LYPLAL1: variants seen among roughly 807,000 people sequenced by gnomAD.
The protein encoded by LYPLAL1 is lysophospholipase-like protein 1.
LYPLAL1 carries 23 observed loss-of-function variants against 19.7 expected under a neutral mutation model. The observed-to-expected ratio is 1.17, with a 90% CI of 0.84 to 1.65. LYPLAL1 has a LOEUF of 1.65. LYPLAL1 is among the 40% of genes most tolerant of loss of function. The pLI, the probability that LYPLAL1 is intolerant of heterozygous loss-of-function variation, is 0.00. For missense variants in LYPLAL1, 355 were observed against 279.4 expected, an observed-to-expected ratio of 1.27 and a Z score of -1.93; for synonymous variants, 119 against 96.3, an observed-to-expected ratio of 1.24 and a Z score of -1.38.
the LYPLAL1 span, among the ~76,000 whole-genome samples, chr1:219,425,384 T>C: frequency 6.6e-5 from 10 of 152,336 alleles, no homozygotes; most frequent in African/African-American, 2.4e-4. Flanking sequence ...TCACAGCTAA[T>C]TAGTGGCAGA....
At chr1:219,391,313 A>G in the LYPLAL1 span, among the ~76,000 whole-genome samples, 1 of 152,196 alleles carries the variant, frequency 6.6e-6, no homozygotes, top group Non-Finnish European at 1.5e-5. Flanking sequence ...TGTCACAGGC[A>G]TGCAGATTGT....
the LYPLAL1 span, among the ~76,000 whole-genome samples, chr1:219,411,526 C>G: frequency 6.6e-6 from 1 of 152,146 alleles, no homozygotes; most frequent in East Asian, 1.9e-4. Context: ...AAACAGGCCA[C>G]TCGGCTCTAC....
downstream of LYPLAL1, among the ~76,000 whole-genome samples, chr1:219,216,567 G>A (rs1335715444): frequency 6.6e-6 from 1 of 152,022 alleles, no homozygotes; most frequent in African/African-American, 2.4e-5. Context: ...TATAGCTAGC[G>A]GGAACACAAA....
the LYPLAL1 span, among the ~76,000 whole-genome samples, chr1:219,377,060 G>C: frequency 6.6e-6 from 1 of 152,284 alleles, no homozygotes; most frequent in South Asian, 2.1e-4. Context: ...ATTCATAATA[G>C]CTACCAGGCA....
At chr1:219,368,877 A>G in the LYPLAL1 span, among the ~76,000 whole-genome samples, 2 of 152,238 alleles carry the variant, frequency 1.3e-5, no homozygotes, top group Non-Finnish European at 2.9e-5. Context: ...ACTATGAATG[A>G]GCTGATGAAT....
At chr1:219,322,223 CTATAA>C in the LYPLAL1 span, among the ~76,000 whole-genome samples, 1 of 152,112 alleles carries the variant, frequency 6.6e-6, no homozygotes, top group Non-Finnish European at 1.5e-5. Flanking sequence ...CACAACCTGC[CTATAA>C]TATACTTGTC....
the LYPLAL1 span, among the ~76,000 whole-genome samples, chr1:219,393,195 GAAC>G: frequency 6.6e-6 from 1 of 152,016 alleles, no homozygotes; most frequent in Admixed American, 6.5e-5. Flanking sequence ...TCTGGAGTCT[GAAC>G]AGATGGCCAT....
chr1:219,387,399 C>T, the LYPLAL1 span, among the ~76,000 whole-genome samples: 1 of 152,132 alleles, frequency 6.6e-6, no homozygotes, highest in Non-Finnish European at 1.5e-5. Context: ...CTCCCCTCAC[C>T]TGTAACTGCT....
intron 2 of LYPLAL1, among the ~76,000 whole-genome samples, chr1:219,192,513 A>G (rs1378877476): frequency 6.6e-6 from 1 of 151,650 alleles, no homozygotes; most frequent in Non-Finnish European, 1.5e-5. Context: ...GCCAAGGGAT[A>G]AGGATTATCT....
At chr1:219,399,797 G>A in the LYPLAL1 span, among the ~76,000 whole-genome samples, 4 of 152,154 alleles carry the variant, frequency 2.6e-5, no homozygotes, top group Non-Finnish European at 4.4e-5. Context: ...GAGCAAGACT[G>A]CCCAGTAGAG....
chr1:219,324,126 T>A, the LYPLAL1 span, among the ~76,000 whole-genome samples: 1 of 152,198 alleles, frequency 6.6e-6, no homozygotes, highest in African/African-American at 2.4e-5. Flanking sequence ...TTCTTTACCC[T>A]ACAAGAAAAC....
At chr1:219,346,783 G>A in the LYPLAL1 span, among the ~76,000 whole-genome samples, 21 of 152,090 alleles carry the variant, frequency 1.4e-4, no homozygotes, top group African/African-American at 3.9e-4. Flanking sequence ...GAAAGTAAAG[G>A]TTAACTAGAA....
the LYPLAL1 span, among the ~76,000 whole-genome samples, chr1:219,262,637 G>T: frequency 6.6e-6 from 1 of 152,174 alleles, no homozygotes; most frequent in Non-Finnish European, 1.5e-5. Flanking sequence ...GGGCTACCAG[G>T]CTCTGAGCTG....
chr1:219,376,109 T>G, the LYPLAL1 span, among the ~76,000 whole-genome samples: 8 of 152,286 alleles, frequency 5.3e-5, no homozygotes, highest in Non-Finnish European at 5.9e-5. Flanking sequence ...TGGTAAAATA[T>G]GTCATGTTAT....
At chr1:219,180,985 C>G (rs551085390) in intron 2 of LYPLAL1, among the ~76,000 whole-genome samples, 2 of 152,002 alleles carry the variant, frequency 1.3e-5, no homozygotes, top group Non-Finnish European at 1.5e-5. Context: ...AACAGATCAT[C>G]GAACGTTTTA....
the LYPLAL1 span, among the ~76,000 whole-genome samples, chr1:219,311,845 G>A: frequency 2.0e-5 from 3 of 152,052 alleles, no homozygotes; most frequent in Non-Finnish European, 4.4e-5. Flanking sequence ...TATTAAAATA[G>A]TGTTGGCTAA....
At chr1:219,400,509 T>C in the LYPLAL1 span, among the ~76,000 whole-genome samples, 1 of 152,002 alleles carries the variant, frequency 6.6e-6, no homozygotes, top group Non-Finnish European at 1.5e-5. Flanking sequence ...CTTTTTTTTT[T>C]TTTTGAGACA....
the LYPLAL1 span, among the ~76,000 whole-genome samples, chr1:219,403,115 A>G: frequency 6.6e-6 from 1 of 152,248 alleles, no homozygotes; most frequent in Non-Finnish European, 1.5e-5. Flanking sequence ...AGTCATCACC[A>G]TCATAGTAGT....
the LYPLAL1 span, among the ~76,000 whole-genome samples, chr1:219,299,126 C>T: frequency 8.6e-5 from 12 of 139,662 alleles, no homozygotes; most frequent in African/African-American, 2.9e-4. Context: ...CTGTGCTTAT[C>T]TGCCCTCCCC....
Sources: allele counts gnomAD v4.1 joint callset (sites outside exome capture counted in the v4.1 genomes callset), GRCh38; gene constraint gnomAD v4.1.1; transcripts MANE v1.5; gene names NCBI Gene and HGNC (gene_info 2026-07-23, HGNC 2026-07-21).